Variants in GOLGA5 observed in about 807,000 individuals in gnomAD.
GOLGA5 encodes the protein golgin A5.
A neutral mutation model predicts 93.5 loss-of-function variants in GOLGA5; 50 were observed. That is an observed-to-expected ratio of 0.53 (90% confidence interval 0.43 to 0.68). The LOEUF (loss-of-function observed/expected upper bound fraction) is 0.68. GOLGA5 is among the 30% of genes least tolerant of loss of function. GOLGA5 has a pLI of 0.00. For synonymous variants in GOLGA5, 312 were observed against 304.5 expected, an observed-to-expected ratio of 1.02 and a Z score of -0.26; for missense variants, 760 against 856.4, an observed-to-expected ratio of 0.89 and a Z score of 1.40.
At chr14:92,838,322 CTG>C (rs967440878) in intron 12 of GOLGA5, among the ~76,000 whole-genome samples, 8 of 151,636 alleles carry the variant, frequency 5.3e-5, no homozygotes, top group Non-Finnish European at 1.2e-4. Flanking sequence ...AGAAATTTCT[CTG>C]TGATCCACTA....
rs148290406 is a variant in GOLGA5, at chr14:92,809,256, G to A, written c.773-44G>A. On this transcript the variant is annotated intron_variant, in intron 3 of 12. Coordinates refer to ENST00000163416, the MANE Select transcript of GOLGA5 (RefSeq NM_005113.4). ...AAACTGTACGTGCTCTGAGAAAAATGTGTTTGGTTTTGCTTGTATAGAGAA... is the reference window on the plus strand; with the variant it reads ...AAACTGTACGTGCTCTGAGAAAAATATGTTTGGTTTTGCTTGTATAGAGAA... The A allele has an allele frequency of 8.6e-4, 1,136 of 1,314,434 alleles. 3 individuals are homozygous for A. The African/African-American group carries it at 0.011, about 13-fold the overall frequency. The allele number at this position is 1,314,434 out of a possible 1,614,324, so 81.4% of individuals were successfully genotyped here.
At position 92,816,342 on chromosome 14, in the gene GOLGA5, T is replaced by C. The variant is rs780447151; in HGVS notation, c.1412T>C (p.Leu471Pro). Residue 471 changes from leucine (L) to proline (P), a missense_variant, in exon 7 of 13, where the codon CTT becomes CCT. By Grantham distance (98) the Leu-to-Pro change is moderately conservative. Transcript: ENST00000163416. ...STASSMELEE[L>P]RHEKEMQREE... Reference sequence around the variant, plus strand: ...GCCAGTAGCATGGAGCTGGAAGAACTTCGGCATGAGAAAGAGATGCAGAGG... The same window carrying C: ...GCCAGTAGCATGGAGCTGGAAGAACCTCGGCATGAGAAAGAGATGCAGAGG... 6.2e-7 allele frequency: 1 copy of C among 1,613,996 alleles called. No homozygotes were observed. The highest frequency in any genetic ancestry group is 2.2e-5 in the East Asian group (1 of 44,882).
At position 92,799,273 on chromosome 14, in the gene GOLGA5, T is replaced by A. The variant is rs993856607; in HGVS notation, c.544+1292T>A. Among the ~76,000 whole-genome samples, 96 of 116,802 alleles carry A rather than the reference T, an allele frequency of 8.2e-4. 1 individual carries two copies. The highest frequency in any genetic ancestry group is 1.2e-3 in the Admixed American group (16 of 12,880). The allele number at this position is 116,802 out of a possible 152,430, so 76.6% of individuals were successfully genotyped here. A position where few individuals can be genotyped will look rare whatever the true frequency, so the allele number is the denominator to read the frequency against. On this transcript the variant is annotated intron_variant, in intron 2 of 12. Coordinates refer to ENST00000163416, the MANE Select transcript of GOLGA5 (RefSeq NM_005113.4). ...ATCTACCGTGGCCTGGCCATAGGGA[T>A]TTTTTTTTTTTTTTCTTTTTTGAGA...
chr14:92,812,428 G>A (rs1425574145), intron 6 of GOLGA5, among the ~76,000 whole-genome samples: 1 of 152,054 alleles, frequency 6.6e-6, no homozygotes, highest in Non-Finnish European at 1.5e-5. Flanking sequence ...ACTAGATCTC[G>A]GACTCCTGCC....
In GOLGA5 at chr14:92,810,250, T is replaced by G. The variant is rs1203194566; in HGVS notation, c.993-4T>G. 2 of 1,595,756 alleles carry G rather than the reference T, an allele frequency of 1.3e-6. No individual in the cohort carries two copies. Among genetic ancestry groups the G allele is most frequent in the African/African-American group, 2.7e-5 (2 of 74,108 alleles). The stretch of plus-strand genomic sequence containing the variant: ...GTTATTTCACATGATGCATTTTCCT[T>G]TAGAATAATGCAGGATCAAAGTGAA... On this transcript the variant is annotated splice_region_variant and splice_polypyrimidine_tract_variant and intron_variant, in intron 4 of 12. Transcript: ENST00000163416.
At chr14:92,799,852 C>T (rs1221269717) in intron 2 of GOLGA5, among the ~76,000 whole-genome samples, 1 of 152,034 alleles carries the variant, frequency 6.6e-6, no homozygotes, top group Admixed American at 6.6e-5. Flanking sequence ...AGTCATCTGC[C>T]CACCTTGGCC....
intron 8 of GOLGA5, among the ~76,000 whole-genome samples, chr14:92,823,528 C>T (rs975945571): frequency 6.6e-6 from 1 of 151,712 alleles, no homozygotes; most frequent in African/African-American, 2.4e-5. Context: ...AATTCTCCCA[C>T]GTCAACCTCC....
chr14:92,812,415 A>C (rs546921895), intron 6 of GOLGA5, among the ~76,000 whole-genome samples: 7 of 152,256 alleles, frequency 4.6e-5, no homozygotes, highest in Admixed American at 2.0e-4. Context: ...TGGAAAAATG[A>C]AGACTAGATC....
chr14:92,823,877 T>A (rs1007783317), intron 8 of GOLGA5, among the ~76,000 whole-genome samples: 4 of 152,164 alleles, frequency 2.6e-5, no homozygotes, highest in Non-Finnish European at 5.9e-5. Context: ...GAATATGATA[T>A]GACTTTTTAT....
At chr14:92,805,825 GTTT>G (rs199941070) in intron 2 of GOLGA5, among the ~76,000 whole-genome samples, 485 of 151,968 alleles carry the variant, frequency 3.2e-3, no homozygotes, top group Middle Eastern at 0.014. Flanking sequence ...GTTTTAGTCA[GTTT>G]TATTATTTAG....
At chr14:92,829,621 G>A (rs996697812) in intron 9 of GOLGA5, among the ~76,000 whole-genome samples, 3 of 152,194 alleles carry the variant, frequency 2.0e-5, no homozygotes, top group African/African-American at 4.8e-5. Context: ...GCTTCTTACC[G>A]ATGAGCTAAG....
intron 1 of GOLGA5, among the ~76,000 whole-genome samples, chr14:92,796,518 A>G (rs1003293963): frequency 1.6e-4 from 24 of 152,100 alleles, no homozygotes; most frequent in Non-Finnish European, 3.1e-4. Flanking sequence ...GGACATGCCA[A>G]TTATATTTGA....
rs1885714432 is a variant in GOLGA5, at chr14:92,839,471, T to G, written c.*25T>G. On this transcript the variant is annotated 3_prime_UTR_variant, in exon 13 of 13. Transcript: ENST00000163416. Reference sequence around the variant, plus strand: ...AACCAAGCCCAGTTGTTGCAGTGATTGGTTGTCTTTTTCTAGACTTGGGAT... The same window carrying G: ...AACCAAGCCCAGTTGTTGCAGTGATGGGTTGTCTTTTTCTAGACTTGGGAT... 4 of 1,526,422 alleles carry G rather than the reference T, an allele frequency of 2.6e-6. No individual in the cohort carries two copies. Among genetic ancestry groups the G allele is most frequent in the Non-Finnish European group, 3.6e-6 (4 of 1,107,592 alleles). The allele number at this position is 1,526,422 out of a possible 1,614,324, so 94.6% of individuals were successfully genotyped here. A position where few individuals can be genotyped will look rare whatever the true frequency, so the allele number is the denominator to read the frequency against.
Position 92,824,590 on chromosome 14 carries a change from A to AT in GOLGA5, c.1667dup (p.Leu556PhefsTer6). ...AAGATCTTTATCGAACAAAGAACAC[A>AT]TTGCAAAGCAGAATTAAAGATCGAG... On this transcript the variant is annotated frameshift_variant, in exon 9 of 13. Transcript: ENST00000163416. LOFTEE classifies it high-confidence loss of function. The AT allele has an allele frequency of 6.2e-7, 1 of 1,606,886 alleles. No individual in the cohort carries two copies. Among genetic ancestry groups the AT allele is most frequent in the Non-Finnish European group, 8.5e-7 (1 of 1,174,820 alleles).
chr14:92,814,834 CAG>C (rs199659939), intron 6 of GOLGA5, among the ~76,000 whole-genome samples: 494 of 152,174 alleles, frequency 3.2e-3, no homozygotes, highest in Middle Eastern at 0.014. Context: ...TCTTTTATCT[CAG>C]GGGTCAGAAA....
chr14:92,830,269 G>A (rs1383633480), intron 9 of GOLGA5, among the ~76,000 whole-genome samples: 14 of 152,158 alleles, frequency 9.2e-5, no homozygotes, highest in Non-Finnish European at 1.5e-5. Flanking sequence ...AGTGAGGTGA[G>A]ATCACACCAT....
chr14:92,835,796 C>T, intron 11 of GOLGA5, 132 bp downstream of exon 11: 1 of 506,802 alleles, frequency 2.0e-6, no homozygotes, highest in Non-Finnish European at 3.6e-6. Flanking sequence ...ATATTTTATA[C>T]TTATATACAC....
chr14:92,825,179 T>C (rs1364103399), intron 9 of GOLGA5, among the ~76,000 whole-genome samples: 1 of 152,212 alleles, frequency 6.6e-6, no homozygotes, highest in Admixed American at 6.5e-5. Context: ...CTTCCTTAGG[T>C]TTAGACAATT....
At chr14:92,798,124 A>C in intron 2 of GOLGA5, 143 bp downstream of exon 2, 2 of 637,236 alleles carry the variant, frequency 3.1e-6, no homozygotes, top group Admixed American at 2.9e-5. Flanking sequence ...TGTGGTGTAA[A>C]CAAGGGAGAC....
Sources: allele counts gnomAD v4.1 joint callset (sites outside exome capture counted in the v4.1 genomes callset), GRCh38; gene constraint gnomAD v4.1.1; transcripts MANE v1.5; gene names NCBI Gene and HGNC (gene_info 2026-07-23, HGNC 2026-07-21).